DDAH1: variants seen among roughly 807,000 people sequenced by gnomAD.
DDAH1 encodes N(G),N(G)-dimethylarginine dimethylaminohydrolase 1.
DDAH1 carries 19 observed loss-of-function variants against 28.8 expected under a neutral mutation model. The ratio of observed to expected loss-of-function variants is 0.66; its 90% confidence interval spans 0.46 to 0.97. The LOEUF (loss-of-function observed/expected upper bound fraction) is 0.97. DDAH1 is among the 50% of genes least tolerant of loss of function. DDAH1 has a pLI of 0.00. For synonymous variants in DDAH1, 153 were observed against 154.4 expected (o/e 0.99, Z 0.07); for missense variants, 326 against 375.9 (o/e 0.87, Z 1.10).
At chr1:85,570,364 T>TCACACACACACACACACACA (rs35259175) in intron 1 of DDAH1, among the ~76,000 whole-genome samples, 8 of 145,572 alleles carry the variant, frequency 5.5e-5, no homozygotes, top group African/African-American at 1.5e-4. Context: ...ACACACACTG[T>TCACACACACACACACACACA]CACACACACA....
At chr1:85,418,446 T>C (rs982800548) in intron 1 of DDAH1, among the ~76,000 whole-genome samples, 41 of 152,248 alleles carry the variant, frequency 2.7e-4, no homozygotes, top group Non-Finnish European at 4.3e-4. Flanking sequence ...GGGTTTATAA[T>C]TTATAGGAAC....
intron 1 of DDAH1, among the ~76,000 whole-genome samples, chr1:85,562,703 G>A (rs1325883139): frequency 6.6e-6 from 1 of 152,190 alleles, no homozygotes; most frequent in East Asian, 1.9e-4. Flanking sequence ...GAAGCCACCA[G>A]AAGCTAGAAG....
At chr1:85,562,382 G>A (rs569323038) in intron 1 of DDAH1, among the ~76,000 whole-genome samples, 1 of 152,262 alleles carries the variant, frequency 6.6e-6, no homozygotes, top group South Asian at 2.1e-4. Context: ...TTTAAAATAT[G>A]ATTTAATCAA....
At chr1:85,506,903 A>T (rs900817485) in intron 1 of DDAH1, among the ~76,000 whole-genome samples, 1 of 152,208 alleles carries the variant, frequency 6.6e-6, no homozygotes, top group Non-Finnish European at 1.5e-5. Context: ...GTAAGAGGCG[A>T]TGAAGAGCAG....
intron 1 of DDAH1, among the ~76,000 whole-genome samples, chr1:85,414,643 T>G (rs560375142): frequency 6.6e-6 from 1 of 152,284 alleles, no homozygotes; most frequent in South Asian, 2.1e-4. Context: ...TTCTAAGAAA[T>G]GGAGGAGAGA....
intron 1 of DDAH1, among the ~76,000 whole-genome samples, chr1:85,418,042 G>C (rs1019493850): frequency 2.0e-5 from 3 of 152,226 alleles, no homozygotes; most frequent in African/African-American, 7.2e-5. Flanking sequence ...ATTAGGATGG[G>C]CATAATGACC....
At chr1:85,428,784 T>C (rs992267502) in intron 1 of DDAH1, among the ~76,000 whole-genome samples, 2 of 152,112 alleles carry the variant, frequency 1.3e-5, no homozygotes, top group African/African-American at 4.8e-5. Flanking sequence ...TTCAGGAAGA[T>C]CAAGCATTTT....
At chr1:85,549,901 C>G (rs17127873) in intron 1 of DDAH1, among the ~76,000 whole-genome samples, 1 of 152,108 alleles carries the variant, frequency 6.6e-6, no homozygotes, top group Non-Finnish European at 1.5e-5. Context: ...ATTAACACTT[C>G]GACTGGGGAT....
chr1:85,493,214 G>T (rs1027783210), intron 2 of DDAH1, among the ~76,000 whole-genome samples: 5 of 151,674 alleles, frequency 3.3e-5, no homozygotes, highest in Non-Finnish European at 5.9e-5. Context: ...TAAAAGTATT[G>T]TGGGCCCCAG....
chr1:85,501,703 T>G (rs1402113673), intron 1 of DDAH1, among the ~76,000 whole-genome samples: 2 of 152,230 alleles, frequency 1.3e-5, no homozygotes, highest in Non-Finnish European at 2.9e-5. Flanking sequence ...TCATCTCATG[T>G]GTTTCCCTTT....
Position 85,331,423 on chromosome 1 carries a change from G to GTATGTATATGTGTATATATA in DDAH1, c.598-6541_598-6540insTATATATACACATATACATA, listed in dbSNP as rs111876317. On this transcript the variant is annotated intron_variant, in intron 4 of 5. Coordinates refer to ENST00000284031, the MANE Select transcript of DDAH1 (RefSeq NM_012137.4). ...ATAATTGATCTTTATATTCATATATGTATATATATATATATAACATAATGT... is the reference window on the plus strand; with the variant it reads ...ATAATTGATCTTTATATTCATATATGTATGTATATGTGTATATATATATATATATATATATAACATAATGT... 1.3e-4 allele frequency among the ~76,000 whole-genome samples: 19 copies of GTATGTATATGTGTATATATA among 148,556 alleles called. No homozygotes were observed. The East Asian group carries it at 1.6e-3, about 12-fold the overall frequency.
At chr1:85,548,059 T>A (rs1658679053) in intron 1 of DDAH1, among the ~76,000 whole-genome samples, 1 of 152,222 alleles carries the variant, frequency 6.6e-6, no homozygotes, top group Admixed American at 6.5e-5. Context: ...CCAAACACTG[T>A]AGAATGAATA....
In DDAH1 at chr1:85,324,877, G is replaced by T; in HGVS notation, c.604C>A (p.Gln202Lys). 2 of 1,613,882 alleles carry T rather than the reference G, an allele frequency of 1.2e-6. No homozygotes were observed. Among genetic ancestry groups the T allele is most frequent in the Non-Finnish European group, 1.7e-6 (2 of 1,179,942 alleles). ...TCGTAGCGGTGGTCACTCATCTGTT[G>T]CATGATCTATAAAGAGAAACAAAGC... ...ESAQKALKIM[Q>K]QMSDHRYDKL... The change falls in exon 5 of 6, where the codon CAA becomes AAA. Residue 202 changes from glutamine (Q) to lysine (K), a missense_variant. Physicochemically the swap from Gln to Lys is moderately conservative, Grantham distance 53. Coordinates refer to ENST00000284031, the MANE Select transcript of DDAH1 (RefSeq NM_012137.4).
intron 1 of DDAH1, among the ~76,000 whole-genome samples, chr1:85,363,942 CT>C (rs1649924569): frequency 9.4e-6 from 1 of 106,066 alleles, no homozygotes. Flanking sequence ...GGCTACAATT[CT>C]TTTTTTTAAG....
intron 1 of DDAH1, among the ~76,000 whole-genome samples, chr1:85,541,005 G>C (rs1658457600): frequency 6.8e-6 from 1 of 147,568 alleles, no homozygotes; most frequent in African/African-American, 2.5e-5. Context: ...ATCTATATCT[G>C]TATCTATATC....
intron 2 of DDAH1, among the ~76,000 whole-genome samples, chr1:85,481,157 G>C (rs896873675): frequency 3.5e-5 from 5 of 140,936 alleles, no homozygotes; most frequent in African/African-American, 5.3e-5. Context: ...GTGTGTAGTG[G>C]TGCAATCTCA....
At chr1:85,328,834 A>C (rs1347203958) in intron 4 of DDAH1, among the ~76,000 whole-genome samples, 2 of 152,224 alleles carry the variant, frequency 1.3e-5, no homozygotes, top group East Asian at 3.8e-4. Context: ...AGCAATTGGG[A>C]AAACTGTGTG....
chr1:85,459,282 T>C (rs189630735), intron 1 of DDAH1, among the ~76,000 whole-genome samples: 17 of 152,364 alleles, frequency 1.1e-4, no homozygotes, highest in African/African-American at 4.1e-4. Context: ...CCCTGCCTTC[T>C]TAGTCTTATA....
chr1:85,444,327 G>C (rs1419267764), intron 1 of DDAH1, among the ~76,000 whole-genome samples: 1 of 152,154 alleles, frequency 6.6e-6, no homozygotes, highest in East Asian at 1.9e-4. Flanking sequence ...TTATTGATTT[G>C]CATTTGTAGA....
Sources: allele counts gnomAD v4.1 joint callset (sites outside exome capture counted in the v4.1 genomes callset), GRCh38; gene constraint gnomAD v4.1.1; transcripts MANE v1.5; gene names NCBI Gene and HGNC (gene_info 2026-07-23, HGNC 2026-07-21).